WDFY2: variants seen among roughly 807,000 people sequenced by gnomAD.
WDFY2 encodes WD repeat and FYVE domain-containing protein 2.
WDFY2 carries 36 observed loss-of-function variants against 56.4 expected under a neutral mutation model. The ratio of observed to expected loss-of-function variants is 0.64; its 90% CI spans 0.49 to 0.84. The LOEUF is 0.84. WDFY2 is among the 40% of genes least tolerant of loss of function. The pLI is 0.00. For missense variants in WDFY2, 444 were observed against 512.2 expected, an observed-to-expected ratio of 0.87 and a Z score of 1.29; for synonymous variants, 176 against 183.7, an observed-to-expected ratio of 0.96 and a Z score of 0.34.
chr13:51,603,587 C>G (rs1416578547), intron 1 of WDFY2, among the ~76,000 whole-genome samples: 1 of 152,120 alleles, frequency 6.6e-6, no homozygotes, highest in Non-Finnish European at 1.5e-5. Flanking sequence ...AATTTGCCCG[C>G]AATTTAAATC....
chr13:51,740,583 G>A (rs1026898354), intron 7 of WDFY2, among the ~76,000 whole-genome samples: 4 of 151,950 alleles, frequency 2.6e-5, no homozygotes, highest in South Asian at 2.1e-4. Flanking sequence ...GCATAGTGGC[G>A]CGTGCCTGTA....
chr13:51,587,458 C>G (rs956793884), intron 1 of WDFY2: 6 of 152,112 alleles, frequency 3.9e-5, no homozygotes, highest in Non-Finnish European at 8.8e-5. Flanking sequence ...CTACTGTAGA[C>G]TTTTAGTTGA....
rs908910697 is a variant in WDFY2, at chr13:51,637,944, C to T, written c.138-22652C>T. Among the ~76,000 whole-genome samples, 7 of 152,262 alleles carry T rather than the reference C, an allele frequency of 4.6e-5. No homozygotes were observed. The South Asian group carries it at 6.2e-4, about 14-fold the overall frequency. On this transcript the variant is annotated intron_variant, in intron 1 of 11. Coordinates refer to ENST00000298125, the MANE Select transcript of WDFY2 (RefSeq NM_052950.4). ...AGTAAACATTACCAGTTCTTTTAAC[C>T]GTAAACATCTAGAGGCTAGGAATAC...
intron 2 of WDFY2, among the ~76,000 whole-genome samples, chr13:51,662,701 A>T (rs1411529447): frequency 1.3e-5 from 2 of 152,216 alleles, no homozygotes; most frequent in African/African-American, 2.4e-5. Context: ...TAGCTCTTAC[A>T]CCTGGCATAG....
At chr13:51,668,180 G>A (rs74881593) in intron 2 of WDFY2, among the ~76,000 whole-genome samples, 2,043 of 152,020 alleles carry the variant, frequency 0.013, 55 homozygotes, top group African/African-American at 0.047. Flanking sequence ...CACCCGGCCC[G>A]GAACTTCTCA....
At chr13:51,634,814 A>T (rs1325049106) in intron 1 of WDFY2, among the ~76,000 whole-genome samples, 1 of 152,240 alleles carries the variant, frequency 6.6e-6, no homozygotes, top group African/African-American at 2.4e-5. Context: ...GATCAAAACA[A>T]TAGGGTGCAT....
At chr13:51,663,877 A>G (rs1310274482) in intron 2 of WDFY2, among the ~76,000 whole-genome samples, 2 of 152,258 alleles carry the variant, frequency 1.3e-5, no homozygotes, top group African/African-American at 2.4e-5. Context: ...TCTACTACAT[A>G]ATAAGTAGCA....
chr13:51,755,340 T>G lies in WDFY2; in HGVS notation c.832-18T>G. On this transcript the variant is annotated intron_variant, in intron 8 of 11. Transcript: ENST00000298125. ...GACTGCTGGCCACAGTGACCTGTTC[T>G]GTGCTTTATTTGACAAGACCCCTGA... The G allele has an allele frequency of 6.2e-7, 1 of 1,613,812 alleles. No homozygotes were observed. The highest frequency in any genetic ancestry group is 8.5e-7 in the Non-Finnish European group (1 of 1,179,654).
rs1953894043 is a variant in WDFY2 at position 51,584,496 on chromosome 13, G to C, written c.-192G>C. On this transcript the variant is annotated 5_prime_UTR_variant, in exon 1 of 12. Coordinates refer to ENST00000298125, the MANE Select transcript of WDFY2 (RefSeq NM_052950.4). ...CCGGCTTGCATCCCAGGTCGTGGCG[G>C]TTTTGGTGCCTGAAGCAGGGAGCGC... is the stretch of plus-strand genomic sequence containing the variant. 2 of 727,034 alleles carry C rather than the reference G, an allele frequency of 2.8e-6. No homozygotes were observed. The highest frequency in any genetic ancestry group is 4.4e-5 in the South Asian group (2 of 45,746). 45.0% of individuals were successfully genotyped at this position (727,034 alleles called of 1,614,324 possible). A position where few individuals can be genotyped will look rare whatever the true frequency, so the allele number is the denominator to read the frequency against.
chr13:51,607,246 A>G (rs1167925186), intron 1 of WDFY2, among the ~76,000 whole-genome samples: 2 of 152,222 alleles, frequency 1.3e-5, no homozygotes, highest in South Asian at 4.1e-4. Flanking sequence ...TGAGTTGTCT[A>G]GGGGAGGCTG....
chr13:51,601,833 A>C (rs555627475), intron 1 of WDFY2, among the ~76,000 whole-genome samples: 50 of 152,338 alleles, frequency 3.3e-4, no homozygotes, highest in African/African-American at 1.2e-3. Context: ...GAAGATGCAG[A>C]GGCATGAGTG....
chr13:51,724,231 C>CTTTTTTTTTT (rs529903671), intron 5 of WDFY2, among the ~76,000 whole-genome samples: 6 of 108,014 alleles, frequency 5.6e-5, no homozygotes, highest in African/African-American at 1.1e-4. Flanking sequence ...TCTTTTTTAA[C>CTTTTTTTTTT]TTTTTTTTTT....
At position 51,709,976 on chromosome 13, in the gene WDFY2, CA is replaced by C. The variant is rs1451608248; in HGVS notation, c.334+6328del. ...CTGATACCAAAGCCTGGCAGAGACA[CA>C]ACAAAAAAAAAGAGAATTTTAGACC... On this transcript the variant is annotated intron_variant, in intron 4 of 11. Coordinates refer to ENST00000298125, the MANE Select transcript of WDFY2 (RefSeq NM_052950.4). 3.0e-3 allele frequency among the ~76,000 whole-genome samples: 458 copies of C among 151,802 alleles called. 3 individuals are homozygous for C. Among genetic ancestry groups the C allele is most frequent in the African/African-American group, 0.011 (437 of 41,372 alleles).
chr13:51,741,033 T>G (rs1430606422), intron 7 of WDFY2, among the ~76,000 whole-genome samples: 1 of 152,244 alleles, frequency 6.6e-6, no homozygotes, highest in East Asian at 1.9e-4. Flanking sequence ...AACTTACGCC[T>G]ACAGTTTGTT....
intron 3 of WDFY2, among the ~76,000 whole-genome samples, chr13:51,693,796 CATT>C (rs896318184): frequency 3.3e-5 from 5 of 152,096 alleles, no homozygotes; most frequent in African/African-American, 4.8e-5. Flanking sequence ...TCAAGTCTCC[CATT>C]ATTATTGTGT....
chr13:51,658,301 T>G (rs924013825), intron 1 of WDFY2, among the ~76,000 whole-genome samples: 2 of 152,232 alleles, frequency 1.3e-5, no homozygotes, highest in Non-Finnish European at 2.9e-5. Context: ...ATAAAAAAGT[T>G]TCTGTCTCTA....
intron 1 of WDFY2, among the ~76,000 whole-genome samples, chr13:51,622,316 AT>A (rs1954746984): frequency 6.6e-6 from 1 of 151,838 alleles, no homozygotes; most frequent in African/African-American, 2.4e-5. Flanking sequence ...CCTTTAGTTA[AT>A]TTCTCTTTGT....
chr13:51,624,327 C>G (rs1294333352), intron 1 of WDFY2, among the ~76,000 whole-genome samples: 1 of 152,214 alleles, frequency 6.6e-6, no homozygotes, highest in African/African-American at 2.4e-5. Flanking sequence ...ATTGCTCCTG[C>G]ACTTTTTCCA....
At chr13:51,697,062 T>G (rs919160367) in intron 3 of WDFY2, among the ~76,000 whole-genome samples, 1 of 152,204 alleles carries the variant, frequency 6.6e-6, no homozygotes, top group Non-Finnish European at 1.5e-5. Context: ...TTAAAATGTT[T>G]TAATTCTATT....
Sources: allele counts gnomAD v4.1 joint callset (sites outside exome capture counted in the v4.1 genomes callset), GRCh38; gene constraint gnomAD v4.1.1; transcripts MANE v1.5; gene names NCBI Gene and HGNC (gene_info 2026-07-23, HGNC 2026-07-21).